Variants in NEK6 observed in about 807,000 individuals in gnomAD.
The protein encoded by NEK6 is serine/threonine-protein kinase Nek6.
Under a neutral mutation model 43.5 loss-of-function variants are expected in NEK6, and 27 were observed. The observed-to-expected ratio is 0.62, with a 90% CI of 0.46 to 0.86. NEK6 has a LOEUF of 0.86. Among genes scored for constraint, NEK6 ranks in the 40% least tolerant of loss-of-function variants. The pLI is 0.00. For synonymous variants in NEK6, 167 were observed against 164.1 expected, an observed-to-expected ratio of 1.02 and a Z score of -0.14; for missense variants, 318 against 414.4, an observed-to-expected ratio of 0.77 and a Z score of 2.02.
At chr9:124,278,637 C>T (rs764768906) in intron 1 of NEK6, among the ~76,000 whole-genome samples, 2 of 152,158 alleles carry the variant, frequency 1.3e-5, no homozygotes, top group Admixed American at 6.5e-5. Context: ...ACTTGGGATG[C>T]GGTCAGAATA....
intron 7 of NEK6, among the ~76,000 whole-genome samples, chr9:124,332,689 G>A (rs1239645341): frequency 2.6e-5 from 4 of 152,184 alleles, no homozygotes; most frequent in African/African-American, 7.2e-5. Flanking sequence ...TAATGAACAT[G>A]TTTCAAACAC....
chr9:124,326,538 A>G lies in NEK6; in HGVS notation c.514+100A>G. The stretch of plus-strand genomic sequence containing the variant: ...GTCCTCAGGGGCAGCCCCTTGAGGA[A>G]GTTGGACCGCTCTGTATTCCCCAGG... On this transcript the variant is annotated intron_variant, in intron 6 of 9. Coordinates refer to ENST00000320246, the MANE Select transcript of NEK6 (RefSeq NM_014397.6). This position sits in a 1 kb window ranked among gnomAD's most constrained non-coding sequence, Gnocchi z 4.5. 1.2e-6 allele frequency: 1 copy of G among 845,128 alleles called. No homozygotes were observed. The highest frequency in any genetic ancestry group is 2.0e-6 in the Non-Finnish European group (1 of 512,774). The allele number at this position is 845,128 out of a possible 1,614,324, so 52.4% of individuals were successfully genotyped here. A position where few individuals can be genotyped will look rare whatever the true frequency, so the allele number is the denominator to read the frequency against.
At chr9:124,304,389 G>C (rs1833150335) in intron 2 of NEK6, among the ~76,000 whole-genome samples, 1 of 152,242 alleles carries the variant, frequency 6.6e-6, no homozygotes, top group African/African-American at 2.4e-5. Flanking sequence ...TGTGGGCCAG[G>C]CTGTTTCCGC....
intron 1 of NEK6, among the ~76,000 whole-genome samples, chr9:124,287,333 T>A (rs530134292): frequency 2.6e-5 from 4 of 152,318 alleles, no homozygotes; most frequent in African/African-American, 9.6e-5. Context: ...AAGGTGGGCC[T>A]GGAGCACGAC....
At chr9:124,330,872 C>A (rs945377810) in intron 7 of NEK6, among the ~76,000 whole-genome samples, 1 of 152,152 alleles carries the variant, frequency 6.6e-6, no homozygotes, top group Non-Finnish European at 1.5e-5. Flanking sequence ...GGTGGCTCCA[C>A]CCCTCCCAGA....
chr9:124,350,984 C>T lies in NEK6; in HGVS notation c.*37C>T, dbSNP rs774233990. The T allele has an allele frequency of 6.8e-7, 1 of 1,462,764 alleles. No individual in the cohort carries two copies. The allele number at this position is 1,462,764 out of a possible 1,614,324, so 90.6% of individuals were successfully genotyped here. A position where few individuals can be genotyped will look rare whatever the true frequency, so the allele number is the denominator to read the frequency against. On this transcript the variant is annotated 3_prime_UTR_variant, in exon 10 of 10. Transcript: ENST00000320246. ...CCGTGCCTTATCAAAGCCAGCACCA[C>T]TTTGCCTTACTTGAGTCGTCTTCTC... is the stretch of plus-strand genomic sequence containing the variant.
At chr9:124,264,306 G>A (rs1831143273) in intron 1 of NEK6, among the ~76,000 whole-genome samples, 1 of 152,170 alleles carries the variant, frequency 6.6e-6, no homozygotes, top group East Asian at 1.9e-4. Context: ...GTGTCACCAG[G>A]CTCTGGAGGT....
At chr9:124,309,383 G>A (rs1057295252) in intron 2 of NEK6, among the ~76,000 whole-genome samples, 2 of 152,174 alleles carry the variant, frequency 1.3e-5, no homozygotes, top group Admixed American at 6.5e-5. Flanking sequence ...CTCCCAGGAC[G>A]GGCAGTGTTG....
rs372838060 is a variant in NEK6 at position 124,347,697 on chromosome 9, C to G, written c.718-12C>G. On this transcript the variant is annotated splice_polypyrimidine_tract_variant and intron_variant, in intron 8 of 9. Coordinates refer to ENST00000320246, the MANE Select transcript of NEK6 (RefSeq NM_014397.6). Reference sequence around the variant, plus strand: ...GCCGAAAGCTTATCTTCGTTGTTCCCGTCCCTTGCAGATGGCAGCCCTCCA... The same window carrying G: ...GCCGAAAGCTTATCTTCGTTGTTCCGGTCCCTTGCAGATGGCAGCCCTCCA... The G allele has an allele frequency of 1.9e-6, 3 of 1,543,346 alleles. No individual in the cohort carries two copies. The East Asian group carries it at 7.0e-5, about 36-fold the overall frequency.
At chr9:124,309,209 G>T (rs1833414593) in intron 2 of NEK6, among the ~76,000 whole-genome samples, 1 of 152,194 alleles carries the variant, frequency 6.6e-6, no homozygotes, top group Non-Finnish European at 1.5e-5. Flanking sequence ...CTCCATCTAG[G>T]AAGCTGCCCC....
chr9:124,332,637 A>G (rs2130991972), intron 7 of NEK6, among the ~76,000 whole-genome samples: 1 of 152,314 alleles, frequency 6.6e-6, no homozygotes, highest in East Asian at 1.9e-4. Flanking sequence ...CAGCTTGCAG[A>G]CACCAGCCTC....
intron 1 of NEK6, chr9:124,292,871 A>T (rs1441229461): frequency 2.1e-6 from 3 of 1,457,414 alleles, no homozygotes; most frequent in Non-Finnish European, 2.7e-6. Context: ...CATGAATTAG[A>T]GACAGCACGG....
At chr9:124,298,620 A>G (rs1335091263) in intron 1 of NEK6, among the ~76,000 whole-genome samples, 2 of 152,108 alleles carry the variant, frequency 1.3e-5, no homozygotes, top group Non-Finnish European at 2.9e-5. Context: ...GGGTGGAGCC[A>G]GCTGGAGAGA....
At chr9:124,274,316 C>T (rs1320581372) in intron 1 of NEK6, among the ~76,000 whole-genome samples, 1 of 152,238 alleles carries the variant, frequency 6.6e-6, no homozygotes, top group Non-Finnish European at 1.5e-5. Flanking sequence ...TACCACAGCC[C>T]CTTGACTTCA....
intron 8 of NEK6, among the ~76,000 whole-genome samples, chr9:124,345,099 C>G (rs1265255199): frequency 6.6e-6 from 1 of 152,246 alleles, no homozygotes; most frequent in African/African-American, 2.4e-5. Context: ...CCACCCACCC[C>G]CTTTTCCTCG....
intron 1 of NEK6, among the ~76,000 whole-genome samples, chr9:124,259,011 C>T (rs935910076): frequency 6.6e-6 from 1 of 152,246 alleles, no homozygotes; most frequent in Non-Finnish European, 1.5e-5. Context: ...TCTCTGCCTG[C>T]CCTGCTAAGT....
intron 1 of NEK6, among the ~76,000 whole-genome samples, chr9:124,269,334 C>T (rs901836200): frequency 6.6e-5 from 10 of 152,104 alleles, no homozygotes; most frequent in African/African-American, 2.2e-4. Flanking sequence ...TCTGAAAACC[C>T]CCCACCCCTG....
chr9:124,259,928 A>G (rs1481833260), intron 1 of NEK6, among the ~76,000 whole-genome samples: 9 of 152,154 alleles, frequency 5.9e-5, no homozygotes, highest in African/African-American at 1.9e-4. Context: ...AACTGGTGGC[A>G]TTTCTGGTGG....
chr9:124,347,835 G>A lies in NEK6; in HGVS notation c.831+13G>A, dbSNP rs775360022. ...CTACTCCGAGAAGGTGAGTTTGCAG[G>A]AGCCGGAGGCCTCGCCAGCCCCAGG... On this transcript the variant is annotated intron_variant, in intron 9 of 9. Coordinates refer to ENST00000320246, the MANE Select transcript of NEK6 (RefSeq NM_014397.6). The A allele has an allele frequency of 2.2e-5, 35 of 1,575,058 alleles. No individual in the cohort carries two copies. Among genetic ancestry groups the A allele is most frequent in the Non-Finnish European group, 3.0e-5 (34 of 1,146,676 alleles).
Sources: allele counts gnomAD v4.1 joint callset (sites outside exome capture counted in the v4.1 genomes callset), GRCh38; gene constraint gnomAD v4.1.1; non-coding constraint Gnocchi (gnomAD v3.1); transcripts MANE v1.5; gene names NCBI Gene and HGNC (gene_info 2026-07-23, HGNC 2026-07-21).